ZMYM2: variants seen among roughly 807,000 people sequenced by gnomAD.
ZMYM2 encodes zinc finger MYM-type protein 2.
In ZMYM2, 56 loss-of-function variants were observed where a neutral mutation model predicts 162.8. That is an observed-to-expected ratio of 0.34 (90% confidence interval 0.28 to 0.43). The LOEUF (loss-of-function observed/expected upper bound fraction) is 0.43, where lower values mean the gene tolerates loss of function less well. Ranked by LOEUF, ZMYM2 falls within the 20% of genes least tolerant of loss-of-function variation. The probability of loss-of-function intolerance (pLI) is 1.00; values close to 1 mark genes in which losing one functional copy is unlikely to be tolerated. For synonymous variants in ZMYM2, 510 were observed against 541.6 expected (o/e 0.94, Z 0.81); for missense variants, 1,275 against 1,621.8 (o/e 0.79, Z 3.67).
At chr13:19,955,105 C>T (rs1186607564), upstream of ZMYM2, among the ~76,000 whole-genome samples, 1 of 151,808 alleles carries the variant, frequency 6.6e-6, no homozygotes, top group Non-Finnish European at 1.5e-5. Flanking sequence ...AGCCACTGCG[C>T]CCGGCCCCAA....
the ZMYM2 span, among the ~76,000 whole-genome samples, chr13:19,907,098 T>G: frequency 6.6e-6 from 1 of 152,194 alleles, no homozygotes; most frequent in Non-Finnish European, 1.5e-5. Context: ...ACTTATTCAT[T>G]TTAAGTAGGT....
intron 2 of ZMYM2, among the ~76,000 whole-genome samples, chr13:19,988,910 C>T (rs1459073363): frequency 6.6e-6 from 1 of 152,172 alleles, no homozygotes; most frequent in Non-Finnish European, 1.5e-5. Context: ...AGAATTTTGT[C>T]AACTGTATAT....
upstream of ZMYM2, among the ~76,000 whole-genome samples, chr13:19,956,534 C>T (rs565474340): frequency 1.2e-4 from 19 of 152,254 alleles, no homozygotes; most frequent in South Asian, 4.1e-4. Flanking sequence ...AAATTCTCAA[C>T]GAAAAATTCT....
intron 21 of ZMYM2, among the ~76,000 whole-genome samples, chr13:20,077,188 A>G (rs918985104): frequency 6.6e-6 from 1 of 150,656 alleles, no homozygotes; most frequent in Admixed American, 6.6e-5. Flanking sequence ...TATGCTGGAT[A>G]CTGGACATTG....
the ZMYM2 span, among the ~76,000 whole-genome samples, chr13:19,923,296 G>A: frequency 7.1e-6 from 1 of 140,572 alleles, no homozygotes; most frequent in African/African-American, 2.7e-5. Flanking sequence ...GGTGGAGGTT[G>A]CAGTGAGCCG....
At chr13:19,963,085 C>T (rs1460847446) in intron 2 of ZMYM2, among the ~76,000 whole-genome samples, 16 of 151,680 alleles carry the variant, frequency 1.1e-4, no homozygotes, top group Admixed American at 9.2e-4. Flanking sequence ...GTGATCTGCC[C>T]GCCTCAACCT....
chr13:20,065,709 G>C (rs1466265143), intron 19 of ZMYM2, among the ~76,000 whole-genome samples: 1 of 152,066 alleles, frequency 6.6e-6, no homozygotes, highest in African/African-American at 2.4e-5. Context: ...GAGGAGGATC[G>C]AGGCTGCAGT....
At chr13:19,975,829 T>C (rs577257706) in intron 2 of ZMYM2, among the ~76,000 whole-genome samples, 6 of 152,184 alleles carry the variant, frequency 3.9e-5, no homozygotes, top group African/African-American at 1.4e-4. Context: ...ATCAGCACTT[T>C]TCTTTTTTTA....
chr13:20,062,767 CTTGCTT>C, intron 17 of ZMYM2, 73 bp from the exon 18 acceptor site: 2 of 1,343,646 alleles, frequency 1.5e-6, no homozygotes, highest in Non-Finnish European at 2.0e-6. Flanking sequence ...AATTAAATGA[CTTGCTT>C]TTGCCAGATT....
chr13:19,911,027 T>C, the ZMYM2 span, among the ~76,000 whole-genome samples: 1 of 149,512 alleles, frequency 6.7e-6, no homozygotes, highest in Non-Finnish European at 1.5e-5. Context: ...ATCGTAGCCC[T>C]TTAGTCAGTT....
At chr13:20,025,991 C>A (rs957415028) in intron 7 of ZMYM2, 1 of 152,114 alleles carries the variant, frequency 6.6e-6, no homozygotes, top group African/African-American at 2.4e-5. Context: ...TTATTATTAT[C>A]TATTGATGAA....
At chr13:20,071,645 G>C (rs1292867586) in intron 21 of ZMYM2, among the ~76,000 whole-genome samples, 4 of 152,242 alleles carry the variant, frequency 2.6e-5, no homozygotes, top group Non-Finnish European at 5.9e-5. Context: ...CCTGGCAGAA[G>C]GGAGAGGATT....
At chr13:19,885,925 A>ATACACACATATG in the ZMYM2 span, among the ~76,000 whole-genome samples, 1 of 23,850 alleles carries the variant, frequency 4.2e-5, no homozygotes, top group Non-Finnish European at 1.0e-4. Flanking sequence ...ACACATATAT[A>ATACACACATATG]TGTGTATACA....
At chr13:19,893,757 A>AAAAT in the ZMYM2 span, among the ~76,000 whole-genome samples, 14 of 151,512 alleles carry the variant, frequency 9.2e-5, no homozygotes, top group South Asian at 4.2e-4. Context: ...AAATAAGTAA[A>AAAAT]AAATAAATAA....
rs1006166534 is a variant in ZMYM2 at position 20,051,607 on chromosome 13, T to C, written c.2458+9T>C. On this transcript the variant is annotated intron_variant, in intron 13 of 24. Transcript: ENST00000610343. ...TGAAAACTTACATTATGGTATGTAA[T>C]GATTTAGGTGATAACTTGAAAACCC... is the stretch of plus-strand genomic sequence containing the variant. 1.9e-6 allele frequency: 3 copies of C among 1,603,364 alleles called. No individual in the cohort carries two copies. The African/African-American group carries it at 4.0e-5, about 22-fold the overall frequency.
the ZMYM2 span, among the ~76,000 whole-genome samples, chr13:19,893,892 C>T: frequency 7.2e-5 from 11 of 151,820 alleles, no homozygotes; most frequent in Non-Finnish European, 1.3e-4. Flanking sequence ...TGGGCTCAAG[C>T]TCTCCCAAGC....
chr13:20,072,100 G>GC (rs1438326160), intron 21 of ZMYM2: 3 of 161,380 alleles, frequency 1.9e-5, no homozygotes, highest in African/African-American at 7.2e-5. Context: ...ACTGTTTCCA[G>GC]CCCCCTTTCT....
chr13:19,881,416 G>A, the ZMYM2 span, among the ~76,000 whole-genome samples: 1 of 151,734 alleles, frequency 6.6e-6, no homozygotes, highest in Non-Finnish European at 1.5e-5. Flanking sequence ...GAGGTCAGGA[G>A]TTTGAGAACA....
the ZMYM2 span, among the ~76,000 whole-genome samples, chr13:19,946,298 T>A: frequency 6.6e-6 from 1 of 152,230 alleles, no homozygotes; most frequent in Non-Finnish European, 1.5e-5. Context: ...GTCTCCTTAG[T>A]GTGGCCTCCA....
Sources: allele counts gnomAD v4.1 joint callset (sites outside exome capture counted in the v4.1 genomes callset), GRCh38; gene constraint gnomAD v4.1.1; transcripts MANE v1.5; gene names NCBI Gene and HGNC (gene_info 2026-07-23, HGNC 2026-07-21).